Variants in GJC1 observed in about 807,000 individuals in gnomAD.
The protein encoded by GJC1 is gap junction gamma-1 protein.
A neutral mutation model predicts 29.3 loss-of-function variants in GJC1; 5 were observed. The observed-to-expected ratio is 0.17, with a 90% CI of 0.09 to 0.36. GJC1 has a LOEUF of 0.36. Among genes scored for constraint, GJC1 ranks in the 10% least tolerant of loss-of-function variants. The pLI, the probability that GJC1 is intolerant of heterozygous loss-of-function variation, is 1.00. For synonymous variants in GJC1, 177 were observed against 183.3 expected, an observed-to-expected ratio of 0.97 and a Z score of 0.28; for missense variants, 310 against 496.2, an observed-to-expected ratio of 0.62 and a Z score of 3.56.
chr17:44,831,063 C>G (rs2050226719), upstream of GJC1, among the ~76,000 whole-genome samples: 1 of 152,178 alleles, frequency 6.6e-6, no homozygotes, highest in Non-Finnish European at 1.5e-5. Context: ...ATGATCTCAT[C>G]TGAGCATCAG....
At chr17:44,818,997 T>TA (rs1221074490) in intron 1 of GJC1, among the ~76,000 whole-genome samples, 7 of 148,034 alleles carry the variant, frequency 4.7e-5, no homozygotes, top group African/African-American at 1.7e-4. Flanking sequence ...AATCAAGCAC[T>TA]AAAAACCCCC....
At position 44,804,761 on chromosome 17, in the gene GJC1, C is replaced by T. The variant is rs2049892365; in HGVS notation, c.1057G>A (p.Val353Ile). The T allele has an allele frequency of 2.5e-6, 4 of 1,614,074 alleles. No homozygotes were observed. In the African/African-American group the frequency reaches 4.0e-5, roughly 16 times the overall value. ...RMAQERLDLA[V>I]QAYSHQNNPH... ...TTGTTTTGGTGACTGTAGGCCTGAA[C>T]TGCCAGATCCAAGCGTTCCTGAGCC... Residue 353 changes from valine (V) to isoleucine (I), a missense_variant, in exon 3 of 3, where the codon GTT (valine) becomes ATT (isoleucine). Transcript: ENST00000592524.
At chr17:44,810,804 C>T (rs762681674) in intron 1 of GJC1, among the ~76,000 whole-genome samples, 6 of 151,914 alleles carry the variant, frequency 3.9e-5, no homozygotes, top group Admixed American at 6.6e-5. Context: ...AACAGGGTCT[C>T]GCTCTGTTGC....
chr17:44,809,190 G>A lies in GJC1; in HGVS notation c.-96-1721C>T, dbSNP rs944063458. 2.0e-5 allele frequency among the ~76,000 whole-genome samples: 3 copies of A among 152,268 alleles called. No homozygotes were observed. In the South Asian group the frequency reaches 6.2e-4, roughly 32 times the overall value. On this transcript the variant is annotated intron_variant, in intron 1 of 2. Coordinates refer to ENST00000592524, the MANE Select transcript of GJC1 (RefSeq NM_005497.4). ...GGAGGAGGATCACTTGAACTTGGGAGCTTGAGACTGCAATGAGCTATGATC... is the reference window on the plus strand; with the variant it reads ...GGAGGAGGATCACTTGAACTTGGGAACTTGAGACTGCAATGAGCTATGATC...
chr17:44,815,473 A>G (rs1483265928), intron 1 of GJC1, among the ~76,000 whole-genome samples: 1 of 152,180 alleles, frequency 6.6e-6, no homozygotes, highest in African/African-American at 2.4e-5. Context: ...TTGGTTTTCA[A>G]AAAAGGCACT....
chr17:44,807,699 A>C lies in GJC1; in HGVS notation c.-96-230T>G, dbSNP rs938950921. On this transcript the variant is annotated intron_variant, in intron 1 of 2. Coordinates refer to ENST00000592524, the MANE Select transcript of GJC1 (RefSeq NM_005497.4). Reference sequence around the variant, plus strand: ...AAGATTCTTAAGTCACCACAGTCTAAGAATATACGACAGGAAGATGCGTCA... The same window carrying C: ...AAGATTCTTAAGTCACCACAGTCTACGAATATACGACAGGAAGATGCGTCA... 1.8e-4 allele frequency: 27 copies of C among 152,240 alleles called. 1 individual carries two copies. The allele number at this position is 152,240 out of a possible 1,614,324, so 9.4% of individuals were successfully genotyped here. A position where few individuals can be genotyped will look rare whatever the true frequency, so the allele number is the denominator to read the frequency against.
chr17:44,801,612 T>C lies in GJC1; in HGVS notation c.*3015A>G, dbSNP rs1271857201. 6.6e-6 allele frequency: 1 copy of C among 151,588 alleles called. No individual in the cohort carries two copies. Among genetic ancestry groups the C allele is most frequent in the African/African-American group, 2.4e-5 (1 of 41,060 alleles). The allele number at this position is 151,588 out of a possible 1,614,324, so 9.4% of individuals were successfully genotyped here. A position where few individuals can be genotyped will look rare whatever the true frequency, so the allele number is the denominator to read the frequency against. Reference sequence around the variant, plus strand: ...CAGGCTCACTTTCTTTTTTTCTTTTTTTTTTTTTGAGACAAGAGTTTCACT... The same window carrying C: ...CAGGCTCACTTTCTTTTTTTCTTTTCTTTTTTTTGAGACAAGAGTTTCACT... On this transcript the variant is annotated 3_prime_UTR_variant, in exon 3 of 3. Coordinates refer to ENST00000592524, the MANE Select transcript of GJC1 (RefSeq NM_005497.4).
Position 44,804,990 on chromosome 17 carries a change from A to G in GJC1, c.828T>C (p.Asn276=), listed in dbSNP as rs1347876474. 6.2e-7 allele frequency: 1 copy of G among 1,614,058 alleles called. No homozygotes were observed. Among genetic ancestry groups the G allele is most frequent in the Admixed American group, 1.7e-5 (1 of 59,998 alleles). ...RRELEDPGAY[N]YPFTWNTPSA... ...ATGGTGTATTCCAAGTGAAAGGATA[A>G]TTATAAGCACCCGGATCCTCAAGTT... Residue 276 remains asparagine, a synonymous_variant, in exon 3 of 3, where the codon AAT becomes AAC. Coordinates refer to ENST00000592524, the MANE Select transcript of GJC1 (RefSeq NM_005497.4).
chr17:44,814,400 A>G (rs553937824), intron 1 of GJC1, among the ~76,000 whole-genome samples: 2 of 152,040 alleles, frequency 1.3e-5, no homozygotes, highest in Admixed American at 6.6e-5. Flanking sequence ...TCAGCCTCCC[A>G]AAGTGCTGGG....
chr17:44,808,390 G>A (rs2049935029), intron 1 of GJC1, among the ~76,000 whole-genome samples: 1 of 151,112 alleles, frequency 6.6e-6, no homozygotes, highest in Non-Finnish European at 1.5e-5. Context: ...GGTGGCCACT[G>A]CAGTCCAACC....
At chr17:44,816,828 C>G (rs138416458) in intron 1 of GJC1, among the ~76,000 whole-genome samples, 55 of 152,048 alleles carry the variant, frequency 3.6e-4, no homozygotes, top group African/African-American at 1.3e-3. Flanking sequence ...TTTTGAAGAT[C>G]AAATGTAATG....
intron 1 of GJC1, among the ~76,000 whole-genome samples, chr17:44,828,233 C>T (rs906054223): frequency 5.7e-4 from 87 of 152,270 alleles, no homozygotes; most frequent in African/African-American, 2.0e-3. Flanking sequence ...ATTAAGTCCT[C>T]TGGATTAAAG....
At position 44,805,504 on chromosome 17, in the gene GJC1, C is replaced by T; in HGVS notation, c.314G>A (p.Gly105Asp). 6.2e-7 allele frequency: 1 copy of T among 1,614,200 alleles called. No homozygotes were observed. Among genetic ancestry groups the T allele is most frequent in the Non-Finnish European group, 8.5e-7 (1 of 1,180,032 alleles). The change falls in exon 3 of 3, where the codon GGT (glycine) becomes GAT (aspartate). Residue 105 changes from glycine to aspartate, a missense_variant. Gly to Asp is a moderately conservative substitution (Grantham distance 94). This residue lies in a region of GJC1 where 82 missense variants were observed against 100.7 expected (regional missense o/e 0.81). Transcript: ENST00000592524. The surrounding 1 kb of genome is among the most constrained non-coding windows in gnomAD (Gnocchi z 5.1). ...AIHKIAKMEH[G>D]EADKKAARSK... ...CCGAGCTGCCTTCTTGTCTGCTTCA[C>T]CGTGCTCCATTTTGGCAATCTTGTG...
In GJC1 at chr17:44,817,522, C is replaced by T. The variant is rs868053345; in HGVS notation, c.-96-10053G>A. 7.9e-5 allele frequency among the ~76,000 whole-genome samples: 12 copies of T among 151,458 alleles called. 1 individual carries two copies. The highest frequency in any genetic ancestry group is 3.3e-4 in the Admixed American group (5 of 15,172). On this transcript the variant is annotated intron_variant, in intron 1 of 2. Transcript: ENST00000592524. ...AGTCAGGAGTTCGAGACCAGCCTGA[C>T]CAAGATGGAGAAACCCTGTCTCTAC...
intron 1 of GJC1, among the ~76,000 whole-genome samples, chr17:44,812,621 T>C (rs2049996901): frequency 1.3e-5 from 2 of 152,214 alleles, no homozygotes; most frequent in African/African-American, 4.8e-5. Flanking sequence ...ATAACACTAA[T>C]TTACTAAGGG....
Position 44,804,324 on chromosome 17 carries a change from C to T in GJC1, c.*303G>A, listed in dbSNP as rs1425815550. The T allele has an allele frequency of 7.1e-6, 2 of 282,844 alleles. No homozygotes were observed. Among genetic ancestry groups the T allele is most frequent in the Non-Finnish European group, 1.3e-5 (2 of 152,214 alleles). 17.5% of individuals were successfully genotyped at this position (282,844 alleles called of 1,614,324 possible). ...CTAAAAAAAAAAAAGTACCATAATA[C>T]TGTACATACAAAAACTGTTCAACAA... On this transcript the variant is annotated 3_prime_UTR_variant, in exon 3 of 3. Transcript: ENST00000592524.
chr17:44,815,491 T>C (rs924544715), intron 1 of GJC1, among the ~76,000 whole-genome samples: 9 of 152,224 alleles, frequency 5.9e-5, no homozygotes, highest in Non-Finnish European at 4.4e-5. Context: ...ACTAGTAATT[T>C]ACAGTGCCTG....
At chr17:44,794,564 C>T (rs1000167992), downstream of GJC1, 1 of 152,218 alleles carries the variant, frequency 6.6e-6, no homozygotes, top group Non-Finnish European at 1.5e-5. Context: ...AAGGAGCTCC[C>T]CGTCAGTGCT....
intron 1 of GJC1, among the ~76,000 whole-genome samples, chr17:44,814,488 T>A (rs1358963988): frequency 2.6e-5 from 4 of 152,056 alleles, no homozygotes; most frequent in African/African-American, 9.7e-5. Context: ...AATTTTTTTT[T>A]AAAGAATGCT....
Sources: allele counts gnomAD v4.1 joint callset (sites outside exome capture counted in the v4.1 genomes callset), GRCh38; gene constraint gnomAD v4.1.1; regional missense constraint gnomAD v4.1.1; non-coding constraint Gnocchi (gnomAD v3.1); transcripts MANE v1.5; gene names NCBI Gene and HGNC (gene_info 2026-07-23, HGNC 2026-07-21).